Variants in ZFPM1 observed in about 807,000 individuals in gnomAD.
The protein encoded by ZFPM1 is zinc finger protein ZFPM1.
In ZFPM1, 28 loss-of-function variants were observed where a neutral mutation model predicts 46.3. That is an observed-to-expected ratio of 0.60 (90% CI 0.45 to 0.83). ZFPM1 has a LOEUF of 0.83. ZFPM1 is among the 40% of genes least tolerant of loss of function. The pLI is 0.00. For missense variants in ZFPM1, 1,878 were observed against 1,432.4 expected (o/e 1.31, Z -5.02); for synonymous variants, 957 against 675.9 (o/e 1.42, Z -6.45).
At chr16:88,499,097 C>T (rs1910105205) in intron 3 of ZFPM1, among the ~76,000 whole-genome samples, 2 of 152,192 alleles carry the variant, frequency 1.3e-5, no homozygotes, top group South Asian at 2.1e-4. Flanking sequence ...AGCTCCCCAA[C>T]GGCCCCCGTG....
At chr16:88,507,259 G>T (rs1597260327) in intron 3 of ZFPM1, among the ~76,000 whole-genome samples, 1 of 152,152 alleles carries the variant, frequency 6.6e-6, no homozygotes, top group Non-Finnish European at 1.5e-5. Flanking sequence ...GAGAGCAGGA[G>T]AAACGGTCCC....
At position 88,534,372 on chromosome 16, in the gene ZFPM1, T is replaced by C. The variant is rs768124081; in HGVS notation, c.2414T>C (p.Leu805Pro). The change falls in exon 10 of 10, where the codon CTC becomes CCC. Residue 805 changes from leucine (L) to proline (P), a missense_variant. By Grantham distance (98) the Leu-to-Pro change is moderately conservative. Transcript: ENST00000319555. ...IDLSKKPRRP[L>P]PGAPAPALAD... ...CTGAGCAAGAAGCCGCGGCGCCCGC[T>C]CCCCGGAGCCCCGGCACCGGCGCTG... is the stretch of plus-strand genomic sequence containing the variant. 1 of 1,437,668 alleles carries C rather than the reference T, an allele frequency of 7.0e-7. No homozygotes were observed. The highest frequency in any genetic ancestry group is 9.1e-7 in the Non-Finnish European group (1 of 1,100,612). The allele number at this position is 1,437,668 out of a possible 1,614,324, so 89.1% of individuals were successfully genotyped here.
At chr16:88,519,538 G>A (rs1342020508) in intron 4 of ZFPM1, among the ~76,000 whole-genome samples, 1 of 150,300 alleles carries the variant, frequency 6.7e-6, no homozygotes, top group African/African-American at 2.5e-5. Context: ...ATGAGTGGGT[G>A]GGTGGCTGAA....
intron 1 of ZFPM1, among the ~76,000 whole-genome samples, chr16:88,472,386 G>T (rs113668967): frequency 6.9e-6 from 1 of 144,148 alleles, no homozygotes; most frequent in Non-Finnish European, 1.5e-5. Context: ...ACTGAGTCTC[G>T]CTGTGTCGCC....
chr16:88,534,631 G>A lies in ZFPM1; in HGVS notation c.2673G>A (p.Glu891=). Reference sequence around the variant, plus strand: ...CGCCCCTGGCCGGCCCGGGGGTCGAGGCCCGGACGCCGGCCGACCGCGGCC... The same window carrying A: ...CGCCCCTGGCCGGCCCGGGGGTCGAAGCCCGGACGCCGGCCGACCGCGGCC... ...LGAPLAGPGV[E]ARTPADRGPS... Residue 891 remains glutamate, a synonymous_variant, in exon 10 of 10, where the codon GAG becomes GAA. Transcript: ENST00000319555. The A allele has an allele frequency of 9.2e-7, 1 of 1,086,812 alleles. No individual in the cohort carries two copies. Among genetic ancestry groups the A allele is most frequent in the Non-Finnish European group, 1.1e-6 (1 of 896,856 alleles). The allele number at this position is 1,086,812 out of a possible 1,614,324, so 67.3% of individuals were successfully genotyped here.
Position 88,534,550 on chromosome 16 carries a change from G to A in ZFPM1, c.2592G>A (p.Pro864=), listed in dbSNP as rs1272556693. ...AACPYCPPNG[P]VRGDLLEHFR... ...GCCCCTACTGCCCCCCGAACGGCCC[G>A]GTGCGCGGGGACCTGCTGGAGCATT... Residue 864 remains proline (P), a synonymous_variant, in exon 10 of 10, where the codon CCG becomes CCA. Transcript: ENST00000319555. 2 of 1,357,616 alleles carry A rather than the reference G, an allele frequency of 1.5e-6. No homozygotes were observed. Among genetic ancestry groups the A allele is most frequent in the Non-Finnish European group, 1.9e-6 (2 of 1,057,468 alleles). The allele number at this position is 1,357,616 out of a possible 1,614,324, so 84.1% of individuals were successfully genotyped here.
intron 2 of ZFPM1, among the ~76,000 whole-genome samples, chr16:88,487,045 C>A (rs1597243450): frequency 6.6e-6 from 1 of 152,302 alleles, no homozygotes; most frequent in South Asian, 2.1e-4. Flanking sequence ...TCCTGGTGGC[C>A]AATTCCATGG....
intron 4 of ZFPM1, among the ~76,000 whole-genome samples, chr16:88,525,955 G>A (rs747556575): frequency 7.9e-5 from 12 of 152,242 alleles, no homozygotes; most frequent in Non-Finnish European, 1.5e-5. Context: ...GGCATGGCCC[G>A]AGGCACTGGC....
At chr16:88,531,428 G>A (rs1912775954) in intron 6 of ZFPM1, among the ~76,000 whole-genome samples, 1 of 152,204 alleles carries the variant, frequency 6.6e-6, no homozygotes, top group Non-Finnish European at 1.5e-5. Context: ...GGTGGTCACT[G>A]ACATGGAGCC....
At position 88,534,417 on chromosome 16, in the gene ZFPM1, C is replaced by A; in HGVS notation, c.2459C>A (p.Thr820Lys). The A allele has an allele frequency of 6.7e-7, 1 of 1,488,146 alleles. No homozygotes were observed. Among genetic ancestry groups the A allele is most frequent in the South Asian group, 1.2e-5 (1 of 81,342 alleles). 92.2% of individuals were successfully genotyped at this position (1,488,146 alleles called of 1,614,324 possible). ...APALADYHEC[T>K]ACRVSFHSLE... ...GCGCTGGCCGACTACCACGAGTGCA[C>A]GGCCTGCCGCGTGAGCTTCCACAGC... The change falls in exon 10 of 10, where the codon ACG becomes AAG. Residue 820 changes from threonine to lysine, a missense_variant. Coordinates refer to ENST00000319555, the MANE Select transcript of ZFPM1 (RefSeq NM_153813.3).
intron 4 of ZFPM1, chr16:88,516,755 G>A (rs1051544952): frequency 4.1e-5 from 16 of 394,302 alleles, no homozygotes; most frequent in Non-Finnish European, 7.1e-5. Flanking sequence ...GTTGCCTCCT[G>A]CCCGGATCGC....
At chr16:88,482,376 C>T (rs528962311) in intron 1 of ZFPM1, among the ~76,000 whole-genome samples, 2 of 152,310 alleles carry the variant, frequency 1.3e-5, no homozygotes, top group East Asian at 3.9e-4. Context: ...CTCGACACAT[C>T]CTATTTGTGG....
At chr16:88,482,856 C>G (rs55637647) in intron 1 of ZFPM1, among the ~76,000 whole-genome samples, 70,450 of 152,160 alleles carry the variant, frequency 0.46, 17,744 homozygotes, top group African/African-American at 0.67. Flanking sequence ...TCCGCGTGCT[C>G]CCGCCAAGTC....
chr16:88,519,891 G>GTAGGTAGATGGATTGACGGC (rs1911691143), intron 4 of ZFPM1, among the ~76,000 whole-genome samples: 1 of 150,720 alleles, frequency 6.6e-6, no homozygotes, highest in African/African-American at 2.4e-5. Context: ...GGAGAGATGT[G>GTAGGTAGATGGATTGACGGC]TAGGTAGATG....
At chr16:88,493,636 G>C (rs1490555768) in intron 3 of ZFPM1, among the ~76,000 whole-genome samples, 1 of 105,000 alleles carries the variant, frequency 9.5e-6, no homozygotes, top group Non-Finnish European at 2.3e-5. Flanking sequence ...GCTGTCCCGG[G>C]GTGCGGTGAG....
At chr16:88,515,314 G>C (rs1229156991) in intron 4 of ZFPM1, among the ~76,000 whole-genome samples, 1 of 152,216 alleles carries the variant, frequency 6.6e-6, no homozygotes, top group Non-Finnish European at 1.5e-5. Flanking sequence ...TCACTGGGAA[G>C]CTGGCCCAGG....
At chr16:88,531,931 C>A in intron 6 of ZFPM1, 71 bp from the exon 7 acceptor site, 2 of 1,461,192 alleles carry the variant, frequency 1.4e-6, no homozygotes, top group Non-Finnish European at 1.9e-6. Flanking sequence ...CAGGCCCTGC[C>A]TCCGCCCACA....
intron 1 of ZFPM1, among the ~76,000 whole-genome samples, chr16:88,475,909 G>A (rs368488609): frequency 3.3e-5 from 5 of 152,232 alleles, no homozygotes; most frequent in East Asian, 1.9e-4. Context: ...GAGGCTGGGC[G>A]TGGCTGTGGG....
In ZFPM1 at chr16:88,465,123, A is replaced by G. The variant is rs952718373; in HGVS notation, c.40+11445A>G. On this transcript the variant is annotated intron_variant, in intron 1 of 9. Coordinates refer to ENST00000319555, the MANE Select transcript of ZFPM1 (RefSeq NM_153813.3). ...CCTCTTTTGGCCCCTGGGCCAGACC[A>G]TGAACCACAGAGCATCCGGCCTACA... Among the ~76,000 whole-genome samples, 6 of 152,208 alleles carry G rather than the reference A, an allele frequency of 3.9e-5. No individual in the cohort carries two copies. The East Asian group carries it at 7.7e-4, about 20-fold the overall frequency.
Sources: allele counts gnomAD v4.1 joint callset (sites outside exome capture counted in the v4.1 genomes callset), GRCh38; gene constraint gnomAD v4.1.1; transcripts MANE v1.5; gene names NCBI Gene and HGNC (gene_info 2026-07-23, HGNC 2026-07-21).